The following EMILIN2 variants were observed in gnomAD, a reference collection of about 807,000 sequenced individuals.
EMILIN2 encodes the protein elastin microfibril interfacer 2, also known as EMILIN-2.
In EMILIN2, 71 loss-of-function variants were observed where a neutral mutation model predicts 87.1. That is an observed-to-expected ratio of 0.82 (90% CI 0.67 to 0.99). The LOEUF (loss-of-function observed/expected upper bound fraction) is 0.99. Ranked by LOEUF, EMILIN2 falls within the 50% of genes least tolerant of loss-of-function variation. EMILIN2 has a pLI of 0.00. For missense variants in EMILIN2, 1,407 were observed against 1,371.8 expected (o/e 1.03, Z -0.40); for synonymous variants, 581 against 563.4 (o/e 1.03, Z -0.44).
intron 2 of EMILIN2, among the ~76,000 whole-genome samples, chr18:2,865,874 A>G (rs1005097120): frequency 1.4e-4 from 22 of 152,174 alleles, no homozygotes; most frequent in African/African-American, 5.3e-4. Context: ...CAAGCTTCCC[A>G]GACGCTTTGT....
chr18:2,862,657 T>A (rs902360536), intron 2 of EMILIN2, among the ~76,000 whole-genome samples: 34 of 152,352 alleles, frequency 2.2e-4, no homozygotes, highest in African/African-American at 8.2e-4. Flanking sequence ...TCGATGTTCA[T>A]CAGGGATATT....
chr18:2,847,231 TG>T lies in EMILIN2; in HGVS notation c.46del (p.Ala16ArgfsTer37). ...RRPWPRVPWR[W>X]ALALLALVGA... ...GCCCTGGCCCCGCGTGCCCTGGCGCTGGGCGCTGGCGCTGCTGGCCCTGGTT... is the reference window on the plus strand; with the variant it reads ...GCCCTGGCCCCGCGTGCCCTGGCGCTGGCGCTGGCGCTGCTGGCCCTGGTT... On this transcript the variant is annotated frameshift_variant, in exon 1 of 8. Coordinates refer to ENST00000254528, the MANE Select transcript of EMILIN2 (RefSeq NM_032048.3). LOFTEE classifies it high-confidence loss of function. The surrounding 1 kb of genome is among the most constrained non-coding windows in gnomAD (Gnocchi z 4.5). The T allele has an allele frequency of 7.9e-7, 1 of 1,262,018 alleles. No individual in the cohort carries two copies. The highest frequency in any genetic ancestry group is 2.7e-5 in the South Asian group (1 of 37,222). 78.2% of individuals were successfully genotyped at this position (1,262,018 alleles called of 1,614,324 possible).
chr18:2,896,218 G>C (rs1043841767), intron 4 of EMILIN2, among the ~76,000 whole-genome samples: 4 of 151,908 alleles, frequency 2.6e-5, no homozygotes, highest in Non-Finnish European at 5.9e-5. Flanking sequence ...CTTTGTTGCT[G>C]GGGCTGGAGT....
At chr18:2,911,824 C>A (rs1017385021) in intron 7 of EMILIN2, among the ~76,000 whole-genome samples, 1 of 152,180 alleles carries the variant, frequency 6.6e-6, no homozygotes, top group African/African-American at 2.4e-5. Context: ...TCTGGGTGAA[C>A]TGAGTGAGGC....
intron 2 of EMILIN2, among the ~76,000 whole-genome samples, chr18:2,869,786 T>TTTGCG (rs1555666537): frequency 1.7e-5 from 1 of 59,066 alleles, no homozygotes; most frequent in Non-Finnish European, 3.8e-5. Context: ...GTGTGTGTGT[T>TTTGCG]TGTGTGTGTG....
At chr18:2,908,243 C>G (rs1220193270) in intron 5 of EMILIN2, among the ~76,000 whole-genome samples, 1 of 152,210 alleles carries the variant, frequency 6.6e-6, no homozygotes, top group Non-Finnish European at 1.5e-5. Context: ...TCCGTGCATG[C>G]AGCACTCACC....
intron 4 of EMILIN2, among the ~76,000 whole-genome samples, chr18:2,899,186 A>G (rs12150778): frequency 0.28 from 42,437 of 152,130 alleles, 6,145 homozygotes; most frequent in Non-Finnish European, 0.33. Context: ...TATAACTAAA[A>G]AAAACCGCTA....
chr18:2,899,317 C>T lies in EMILIN2; in HGVS notation c.2359+6831C>T, dbSNP rs928434445. Among the ~76,000 whole-genome samples, 3 of 152,292 alleles carry T rather than the reference C, an allele frequency of 2.0e-5. No homozygotes were observed. The South Asian group carries it at 6.2e-4, about 32-fold the overall frequency. On this transcript the variant is annotated intron_variant, in intron 4 of 7. Transcript: ENST00000254528. ...GGGAGGACACAGAATGAACCACTGACTGACACTGCGCCACCAATAGAAGTC... is the reference window on the plus strand; with the variant it reads ...GGGAGGACACAGAATGAACCACTGATTGACACTGCGCCACCAATAGAAGTC...
intron 2 of EMILIN2, 73 bp from the exon 3 acceptor site, chr18:2,884,891 T>C: frequency 6.7e-7 from 1 of 1,489,790 alleles, no homozygotes; most frequent in Non-Finnish European, 9.0e-7. Flanking sequence ...GAGTCCTCTT[T>C]ATTTGGGTCT....
rs114500987 is a variant in EMILIN2, at chr18:2,891,486, C to T, written c.1359C>T (p.Leu453=). 170 of 1,614,094 alleles carry T rather than the reference C, an allele frequency of 1.1e-4. No individual in the cohort carries two copies. Among genetic ancestry groups the T allele is most frequent in the East Asian group, 1.3e-4 (6 of 44,882 alleles). Reference sequence around the variant, plus strand: ...ATTTTGATGCAAAATGGAATGAACTCGATGCAAGGATCAATGTGACGGAGA... The same window carrying T: ...ATTTTGATGCAAAATGGAATGAACTTGATGCAAGGATCAATGTGACGGAGA... ...DVDFDAKWNE[L]DARINVTEKN... is the part of the protein sequence containing the mutation. The change falls in exon 4 of 8, where the codon CTC becomes CTT. Residue 453 remains leucine (L), a synonymous_variant. Transcript: ENST00000254528. This position sits in a 1 kb window ranked among gnomAD's most constrained non-coding sequence, Gnocchi z 4.6.
At chr18:2,904,559 G>A (rs534805033) in intron 4 of EMILIN2, among the ~76,000 whole-genome samples, 6 of 152,126 alleles carry the variant, frequency 3.9e-5, no homozygotes, top group Admixed American at 1.3e-4. Context: ...TCTGGTTTTG[G>A]CAAGTGCCTT....
chr18:2,858,110 G>A (rs1238236388), intron 2 of EMILIN2, among the ~76,000 whole-genome samples: 1 of 152,076 alleles, frequency 6.6e-6, no homozygotes, highest in East Asian at 1.9e-4. Flanking sequence ...AATCATTACC[G>A]GAAAATGAGT....
intron 4 of EMILIN2, among the ~76,000 whole-genome samples, chr18:2,902,659 AG>A (rs2076893047): frequency 6.6e-6 from 1 of 152,222 alleles, no homozygotes; most frequent in Admixed American, 6.5e-5. Flanking sequence ...GTCAGGCCGG[AG>A]AGAGTCAGTT....
At chr18:2,905,137 A>ATCTAGAAT in intron 4 of EMILIN2, among the ~76,000 whole-genome samples, 1 of 151,902 alleles carries the variant, frequency 6.6e-6, no homozygotes, top group Non-Finnish European at 1.5e-5. Context: ...ACTTCTCTGT[A>ATCTAGAAT]TCTAGAATGG....
chr18:2,867,948 C>G lies in EMILIN2; in HGVS notation c.258-17016C>G, dbSNP rs553970139. 3.5e-3 allele frequency among the ~76,000 whole-genome samples: 520 copies of G among 150,260 alleles called. 4 individuals are homozygous for G. Among genetic ancestry groups the G allele is most frequent in the African/African-American group, 0.012 (503 of 40,888 alleles). ...GCGGCCGGGCAGAGGCGCCCCTCACCTCCCGGACGGGGCGGCTGGCCGGGC... is the reference window on the plus strand; with the variant it reads ...GCGGCCGGGCAGAGGCGCCCCTCACGTCCCGGACGGGGCGGCTGGCCGGGC... On this transcript the variant is annotated intron_variant, in intron 2 of 7. Coordinates refer to ENST00000254528, the MANE Select transcript of EMILIN2 (RefSeq NM_032048.3).
intron 2 of EMILIN2, among the ~76,000 whole-genome samples, chr18:2,868,358 G>A (rs1285826384): frequency 6.6e-6 from 1 of 152,232 alleles, no homozygotes; most frequent in Non-Finnish European, 1.5e-5. Context: ...CAGACGATGG[G>A]CGGCCACGCA....
At chr18:2,889,700 T>C (rs1218307357) in intron 3 of EMILIN2, among the ~76,000 whole-genome samples, 3 of 147,504 alleles carry the variant, frequency 2.0e-5, no homozygotes, top group East Asian at 1.9e-4. Flanking sequence ...TTCTTTTTTT[T>C]TTTTTTTTTT....
rs530817257 is a variant in EMILIN2, at chr18:2,897,288, T to C, written c.2359+4802T>C. On this transcript the variant is annotated intron_variant, in intron 4 of 7. Coordinates refer to ENST00000254528, the MANE Select transcript of EMILIN2 (RefSeq NM_032048.3). ...TTGTAAACAGTGGAGGATTAACTAA[T>C]GTCCTGGACTTAGTAATCACTCAGG... Among the ~76,000 whole-genome samples the C allele has an allele frequency of 5.9e-5, 9 of 152,346 alleles. No individual in the cohort carries two copies. The East Asian group carries it at 1.7e-3, about 29-fold the overall frequency.
intron 2 of EMILIN2, among the ~76,000 whole-genome samples, chr18:2,877,819 G>A (rs1029034284): frequency 2.6e-5 from 4 of 151,600 alleles, no homozygotes; most frequent in African/African-American, 4.8e-5. Context: ...ACTGTCTTGC[G>A]AATTTCTAAA....
Sources: allele counts gnomAD v4.1 joint callset (sites outside exome capture counted in the v4.1 genomes callset), GRCh38; gene constraint gnomAD v4.1.1; non-coding constraint Gnocchi (gnomAD v3.1); transcripts MANE v1.5; gene names NCBI Gene and HGNC (gene_info 2026-07-23, HGNC 2026-07-21).